CNOT4: variants seen among roughly 807,000 people sequenced by gnomAD.
CNOT4 encodes the protein CCR4-associated factor 4.
Under a neutral mutation model 73.8 loss-of-function variants are expected in CNOT4, and 8 were observed. The observed-to-expected ratio is 0.11, with a 90% CI of 0.06 to 0.20. The LOEUF (loss-of-function observed/expected upper bound fraction) is 0.20. CNOT4 is among the 10% of genes least tolerant of loss of function. The pLI is 1.00. For missense variants in CNOT4, 564 were observed against 883.4 expected (o/e 0.64, Z 4.58); for synonymous variants, 293 against 321.1 (o/e 0.91, Z 0.94).
At chr7:135,436,644 T>C (rs1264153540) in intron 2 of CNOT4, among the ~76,000 whole-genome samples, 1 of 150,818 alleles carries the variant, frequency 6.6e-6, no homozygotes, top group African/African-American at 2.4e-5. Context: ...ATACAAATTA[T>C]ATATACACAT....
At chr7:135,424,040 AACACACACACAC>A (rs3138785) in intron 2 of CNOT4, among the ~76,000 whole-genome samples, 5,738 of 144,232 alleles carry the variant, frequency 0.04, 252 homozygotes, top group African/African-American at 0.1. Context: ...AAACAAACAA[AACACACACACAC>A]ACACACACAC....
At chr7:135,465,462 C>T (rs1236776306) in intron 1 of CNOT4, among the ~76,000 whole-genome samples, 1 of 152,198 alleles carries the variant, frequency 6.6e-6, no homozygotes, top group Admixed American at 6.5e-5. Context: ...GTATGTAATA[C>T]TTGATGATAA....
At chr7:135,366,220 T>C (rs1156267430) in intron 10 of CNOT4, among the ~76,000 whole-genome samples, 1 of 152,188 alleles carries the variant, frequency 6.6e-6, no homozygotes, top group Non-Finnish European at 1.5e-5. Context: ...CTCCTAACTT[T>C]TGCTTTACCA....
intron 1 of CNOT4, among the ~76,000 whole-genome samples, chr7:135,463,544 C>CA (rs34696755): frequency 0.024 from 2,498 of 103,478 alleles, 74 homozygotes; most frequent in African/African-American, 0.072. Context: ...TCCCCCCACC[C>CA]AAAAAAAAAA....
intron 1 of CNOT4, among the ~76,000 whole-genome samples, chr7:135,450,371 T>A (rs947886439): frequency 6.6e-6 from 1 of 152,052 alleles, no homozygotes; most frequent in Non-Finnish European, 1.5e-5. Context: ...CAGGCTGGAG[T>A]GCAGTGGCGT....
chr7:135,401,048 C>T (rs189278359), intron 7 of CNOT4, among the ~76,000 whole-genome samples: 20 of 152,174 alleles, frequency 1.3e-4, no homozygotes, highest in African/African-American at 4.8e-4. Flanking sequence ...ACATGGGTAA[C>T]CCCAATAGAA....
At chr7:135,383,380 G>A (rs1008473568) in intron 10 of CNOT4, among the ~76,000 whole-genome samples, 17 of 190 alleles carry the variant, frequency 0.089, no homozygotes, top group African/African-American at 0.21. Context: ...CACACTCACT[G>A]GGGCTGCTTA....
At chr7:135,378,213 G>A (rs1387961199) in intron 10 of CNOT4, among the ~76,000 whole-genome samples, 2 of 152,186 alleles carry the variant, frequency 1.3e-5, no homozygotes, top group African/African-American at 4.8e-5. Flanking sequence ...TGATTTAAAA[G>A]AGAGAGAAGG....
chr7:135,377,181 A>G (rs1795567091), intron 10 of CNOT4, among the ~76,000 whole-genome samples: 2 of 152,242 alleles, frequency 1.3e-5, no homozygotes, highest in Admixed American at 1.3e-4. Flanking sequence ...GTGATTAAAA[A>G]TTAAGGCTGG....
intron 10 of CNOT4, among the ~76,000 whole-genome samples, chr7:135,379,552 G>A (rs963908661): frequency 6.6e-6 from 1 of 152,104 alleles, no homozygotes; most frequent in Non-Finnish European, 1.5e-5. Context: ...GGGGAGTAGG[G>A]TATGTGTGTG....
At chr7:135,455,478 C>A (rs1368600026) in intron 1 of CNOT4, among the ~76,000 whole-genome samples, 1 of 151,820 alleles carries the variant, frequency 6.6e-6, no homozygotes, top group Non-Finnish European at 1.5e-5. Context: ...TAAAAGTCTA[C>A]CAACCATGGA....
intron 1 of CNOT4, among the ~76,000 whole-genome samples, chr7:135,471,373 T>A (rs1801565300): frequency 6.6e-6 from 1 of 152,110 alleles, no homozygotes; most frequent in African/African-American, 2.4e-5. Context: ...ATTATAAACT[T>A]ATAAAATCTG....
chr7:135,496,373 G>A (rs928262459), intron 1 of CNOT4, among the ~76,000 whole-genome samples: 3 of 152,172 alleles, frequency 2.0e-5, no homozygotes, highest in South Asian at 2.1e-4. Flanking sequence ...GATTACAGGC[G>A]TGAGCCACTG....
At chr7:135,391,488 C>T (rs956165849) in intron 10 of CNOT4, among the ~76,000 whole-genome samples, 1 of 151,696 alleles carries the variant, frequency 6.6e-6, no homozygotes, top group East Asian at 1.9e-4. Flanking sequence ...CCAAATAGTA[C>T]AACGATTCAG....
chr7:135,471,845 A>T (rs914777174), intron 1 of CNOT4, among the ~76,000 whole-genome samples: 1 of 152,180 alleles, frequency 6.6e-6, no homozygotes, highest in Non-Finnish European at 1.5e-5. Context: ...GAGAGTTGGA[A>T]GGCATGCTGA....
At chr7:135,415,488 A>C (rs1240804884) in intron 3 of CNOT4, among the ~76,000 whole-genome samples, 1 of 152,088 alleles carries the variant, frequency 6.6e-6, no homozygotes, top group Non-Finnish European at 1.5e-5. Context: ...AGAAACTGAG[A>C]CTCACTAAAT....
chr7:135,508,833 G>A (rs1362191528), intron 1 of CNOT4, among the ~76,000 whole-genome samples: 1 of 152,064 alleles, frequency 6.6e-6, no homozygotes, highest in Non-Finnish European at 1.5e-5. Context: ...TAATGCTGGG[G>A]TTAATATTTA....
intron 1 of CNOT4, among the ~76,000 whole-genome samples, chr7:135,452,266 T>C (rs551331506): frequency 2.0e-5 from 3 of 151,284 alleles, no homozygotes; most frequent in Non-Finnish European, 4.4e-5. Context: ...TAAAAGAGTG[T>C]ATCAAAGGAC....
At chr7:135,419,243 T>C (rs928198662) in intron 3 of CNOT4, among the ~76,000 whole-genome samples, 2 of 151,036 alleles carry the variant, frequency 1.3e-5, no homozygotes, top group African/African-American at 4.8e-5. Flanking sequence ...GCTTTAATTG[T>C]TCCTAAACTC....
Sources: allele counts gnomAD v4.1 joint callset (sites outside exome capture counted in the v4.1 genomes callset), GRCh38; gene constraint gnomAD v4.1.1; transcripts MANE v1.5; gene names NCBI Gene and HGNC (gene_info 2026-07-23, HGNC 2026-07-21).